Variants in LEKR1 observed in about 807,000 individuals in gnomAD.
The protein encoded by LEKR1 is protein LEKR1.
A neutral mutation model predicts 72.4 loss-of-function variants in LEKR1; 59 were observed. The ratio of observed to expected loss-of-function variants is 0.82; its 90% CI spans 0.66 to 1.01. The LOEUF (loss-of-function observed/expected upper bound fraction) is 1.01, where lower values mean the gene tolerates loss of function less well. LEKR1 is among the 50% of genes least tolerant of loss of function. The pLI is 0.00. For missense variants in LEKR1, 728 were observed against 759.2 expected, an observed-to-expected ratio of 0.96 and a Z score of 0.48; for synonymous variants, 257 against 263.2, an observed-to-expected ratio of 0.98 and a Z score of 0.23.
At chr3:156,972,633 A>C (rs1161122842) in intron 6 of LEKR1, among the ~76,000 whole-genome samples, 2 of 151,584 alleles carry the variant, frequency 1.3e-5, no homozygotes, top group Non-Finnish European at 2.9e-5. Context: ...GGACAAATTT[A>C]TATGTAATAT....
At chr3:156,973,327 T>A (rs1237614406) in intron 6 of LEKR1, among the ~76,000 whole-genome samples, 1 of 152,074 alleles carries the variant, frequency 6.6e-6, no homozygotes. Context: ...ACCTGGTACA[T>A]AGTAAGTATT....
intron 9 of LEKR1, among the ~76,000 whole-genome samples, chr3:157,004,015 T>C (rs1304364197): frequency 6.6e-6 from 1 of 152,180 alleles, no homozygotes; most frequent in Non-Finnish European, 1.5e-5. Context: ...ATGTAAATTG[T>C]CTAAACATTC....
intron 3 of LEKR1, among the ~76,000 whole-genome samples, chr3:156,889,331 G>GGGA (rs1720423193): frequency 2.0e-5 from 3 of 149,212 alleles, no homozygotes; most frequent in Non-Finnish European, 4.4e-5. Context: ...CAACCACCCT[G>GGGA]TACCTCTTTT....
At position 156,941,814 on chromosome 3, in the gene LEKR1, G is replaced by T. The variant is rs148719451; in HGVS notation, c.560-715G>T. Among the ~76,000 whole-genome samples, 21 of 152,000 alleles carry T rather than the reference G, an allele frequency of 1.4e-4. No homozygotes were observed. In the East Asian group the frequency reaches 3.9e-3, roughly 28 times the overall value. On this transcript the variant is annotated intron_variant, in intron 5 of 12. Transcript: ENST00000356539. ...TAGTGCAGAAAAGACTGATGAACAG[G>T]GAGCTTATTAATTATTCTGAAGGAT...
intron 3 of LEKR1, among the ~76,000 whole-genome samples, chr3:156,883,952 G>T (rs2108553820): frequency 6.6e-6 from 1 of 152,174 alleles, no homozygotes; most frequent in South Asian, 2.1e-4. Flanking sequence ...ATAAATTTGG[G>T]AGTTCCAGTG....
At position 156,862,137 on chromosome 3, in the gene LEKR1, T is replaced by A. The variant is rs530738367; in HGVS notation, c.263+9155T>A. On this transcript the variant is annotated intron_variant, in intron 3 of 12. Transcript: ENST00000356539. ...ATTACCAGCATAACTTTGAAAGCCC[T>A]TCGTGTATAATTATGATGTTGCTGT... is the stretch of plus-strand genomic sequence containing the variant. 1.4e-4 allele frequency among the ~76,000 whole-genome samples: 21 copies of A among 152,208 alleles called. No individual in the cohort carries two copies. The East Asian group carries it at 4.1e-3, about 29-fold the overall frequency.
chr3:157,029,143 G>A (rs529502197), intron 12 of LEKR1, among the ~76,000 whole-genome samples: 7 of 152,206 alleles, frequency 4.6e-5, no homozygotes, highest in Admixed American at 6.5e-5. Flanking sequence ...TTTGGCATCA[G>A]TAAAGGCATA....
intron 4 of LEKR1, among the ~76,000 whole-genome samples, chr3:156,921,494 C>T (rs913691444): frequency 1.3e-5 from 2 of 152,060 alleles, no homozygotes; most frequent in Non-Finnish European, 1.5e-5. Context: ...AAATGCTTTG[C>T]ACATAACTGA....
At chr3:156,970,727 C>T (rs1430427148) in intron 6 of LEKR1, among the ~76,000 whole-genome samples, 1 of 152,162 alleles carries the variant, frequency 6.6e-6, no homozygotes, top group Non-Finnish European at 1.5e-5. Flanking sequence ...CATAAGTGAA[C>T]TCCCATTCAC....
intron 6 of LEKR1, chr3:156,977,660 C>G (rs574876797): frequency 3.9e-6 from 1 of 255,360 alleles, no homozygotes; most frequent in African/African-American, 2.3e-5. Context: ...GAGATAAACC[C>G]TACAAATGTA....
chr3:156,909,669 A>AAAG lies in LEKR1; in HGVS notation c.264-10904_264-10903insGAA, dbSNP rs1553800894. ...AGAGTCTGTCTCAAAAAAAAAAAAA[A>AAAG]AAAGAAATCTTCAATATCTTTACCT... is the stretch of plus-strand genomic sequence containing the variant. On this transcript the variant is annotated intron_variant, in intron 3 of 12. Coordinates refer to ENST00000356539, the MANE Select transcript of LEKR1 (RefSeq NM_001004316.3). Among the ~76,000 whole-genome samples the AAAG allele has an allele frequency of 5.2e-4, 76 of 145,978 alleles. 3 individuals are homozygous for AAAG. Among genetic ancestry groups the AAAG allele is most frequent in the African/African-American group, 1.1e-3 (42 of 38,328 alleles).
At chr3:156,828,400 C>CT (rs1316390107) in intron 1 of LEKR1, among the ~76,000 whole-genome samples, 1 of 152,164 alleles carries the variant, frequency 6.6e-6, no homozygotes, top group African/African-American at 2.4e-5. Context: ...GAAGCCTTCA[C>CT]TAACTCCCAC....
intron 5 of LEKR1, among the ~76,000 whole-genome samples, chr3:156,933,266 A>T (rs964064905): frequency 6.6e-6 from 1 of 152,272 alleles, no homozygotes; most frequent in East Asian, 1.9e-4. Context: ...TTATTTAAAC[A>T]TTCATATATG....
At chr3:156,961,838 C>T (rs1232745905) in intron 6 of LEKR1, among the ~76,000 whole-genome samples, 2 of 152,062 alleles carry the variant, frequency 1.3e-5, no homozygotes, top group African/African-American at 4.8e-5. Context: ...TTAGAATAGG[C>T]AAGATAAAAT....
chr3:156,904,012 A>C (rs1722283240), intron 3 of LEKR1, among the ~76,000 whole-genome samples: 1 of 152,216 alleles, frequency 6.6e-6, no homozygotes, highest in African/African-American at 2.4e-5. Context: ...CAGAAAGGTA[A>C]TTATATTGGG....
chr3:156,886,230 G>A (rs1720057398), intron 3 of LEKR1, among the ~76,000 whole-genome samples: 1 of 152,030 alleles, frequency 6.6e-6, no homozygotes, highest in Admixed American at 6.6e-5. Flanking sequence ...CCAGGGAAGT[G>A]GGGGATAGCC....
Position 156,998,977 on chromosome 3 carries a change from G to A in LEKR1, c.1109+5700G>A, listed in dbSNP as rs866740347. On this transcript the variant is annotated intron_variant, in intron 9 of 12. Transcript: ENST00000356539. ...ACCCAGTGGTGGTGATTGAATCATGGGGGCAGTTACTCCCATGCCATTCTC... is the reference window on the plus strand; with the variant it reads ...ACCCAGTGGTGGTGATTGAATCATGAGGGCAGTTACTCCCATGCCATTCTC... Among the ~76,000 whole-genome samples, 136 of 152,178 alleles carry A rather than the reference G, an allele frequency of 8.9e-4. 3 individuals carry two copies. Among genetic ancestry groups the A allele is most frequent in the African/African-American group, 3.3e-3 (135 of 41,506 alleles).
intron 3 of LEKR1, among the ~76,000 whole-genome samples, chr3:156,904,695 C>T (rs962905414): frequency 6.6e-6 from 1 of 151,486 alleles, no homozygotes; most frequent in Non-Finnish European, 1.5e-5. Flanking sequence ...GACAGGGTCT[C>T]GCTATGTTGC....
intron 2 of LEKR1, among the ~76,000 whole-genome samples, chr3:156,830,906 A>G (rs894478038): frequency 6.6e-6 from 1 of 152,218 alleles, no homozygotes; most frequent in Non-Finnish European, 1.5e-5. Context: ...ACAAGTTCCC[A>G]GATGTCATTA....
Sources: allele counts gnomAD v4.1 joint callset (sites outside exome capture counted in the v4.1 genomes callset), GRCh38; gene constraint gnomAD v4.1.1; transcripts MANE v1.5; gene names NCBI Gene and HGNC (gene_info 2026-07-23, HGNC 2026-07-21).